The following TRAPPC3 variants were observed in gnomAD, a reference collection of about 807,000 sequenced individuals.
TRAPPC3 encodes the protein trafficking protein particle complex subunit 3.
A neutral mutation model predicts 18.2 loss-of-function variants in TRAPPC3; 5 were observed. That is an observed-to-expected ratio of 0.28 (90% CI 0.14 to 0.58). The LOEUF (loss-of-function observed/expected upper bound fraction) is 0.58. Among genes scored for constraint, TRAPPC3 ranks in the 20% least tolerant of loss-of-function variants. TRAPPC3 has a pLI of 0.91. For synonymous variants in TRAPPC3, 65 were observed against 84.2 expected (o/e 0.77, Z 1.25); for missense variants, 176 against 225.9 (o/e 0.78, Z 1.41).
upstream of TRAPPC3, among the ~76,000 whole-genome samples, chr1:36,153,425 T>G (rs1041478687): frequency 1.3e-5 from 2 of 152,176 alleles, no homozygotes; most frequent in African/African-American, 4.8e-5. Context: ...TGTGGACTCA[T>G]CAGCAGCACA....
intron 4 of TRAPPC3, chr1:36,137,578 T>A: frequency 1.6e-6 from 1 of 641,054 alleles, no homozygotes. Context: ...TTCCTGGGCT[T>A]TGGGGACTGA....
chr1:36,140,026 G>A, intron 2 of TRAPPC3, 43 bp downstream of exon 2: 2 of 1,525,882 alleles, frequency 1.3e-6, no homozygotes, highest in Non-Finnish European at 1.8e-6. Flanking sequence ...TCAGTGTGCT[G>A]GGAGGCCCCA....
chr1:36,154,956 A>G (rs113175406), intron 1 of TRAPPC3, among the ~76,000 whole-genome samples: 9 of 152,162 alleles, frequency 5.9e-5, no homozygotes, highest in African/African-American at 1.9e-4. Flanking sequence ...CACACATCCC[A>G]GGACAGGCTG....
intron 1 of TRAPPC3, chr1:36,155,550 GT>G (rs1225078534): frequency 6.6e-6 from 1 of 152,578 alleles, no homozygotes; most frequent in East Asian, 1.9e-4. Context: ...GCGCAGGGCT[GT>G]AATTACCCCC....
upstream of TRAPPC3, among the ~76,000 whole-genome samples, chr1:36,152,245 C>A (rs1249756705): frequency 6.6e-6 from 1 of 151,994 alleles, no homozygotes; most frequent in Non-Finnish European, 1.5e-5. Context: ...CTGAAAATAT[C>A]CTTGCCTTTC....
chr1:36,150,408 G>A (rs1319324340), upstream of TRAPPC3, among the ~76,000 whole-genome samples: 1 of 152,226 alleles, frequency 6.6e-6, no homozygotes, highest in Non-Finnish European at 1.5e-5. Flanking sequence ...CCTGACCACA[G>A]CTCTTTGGTT....
chr1:36,137,893 T>A lies in TRAPPC3; in HGVS notation c.326A>T (p.Asn109Ile). 1.2e-6 allele frequency: 2 copies of A among 1,614,206 alleles called. No homozygotes were observed. Among genetic ancestry groups the A allele is most frequent in the Non-Finnish European group, 1.7e-6 (2 of 1,180,034 alleles). The change falls in exon 4 of 5, where the codon AAT (asparagine) becomes ATT (isoleucine). Residue 109 changes from asparagine to isoleucine, a missense_variant. Physicochemically the swap from Asn to Ile is moderately radical, Grantham distance 149. This residue lies in a region of TRAPPC3 where 147 missense variants were observed against 164.3 expected (regional missense o/e 0.89). Coordinates refer to ENST00000373166, the MANE Select transcript of TRAPPC3 (RefSeq NM_014408.5). ...TTCCACAAAGTCCACCAAGGGGTTATTTTCCAAAATGAGGGAGAATTCATC... is the reference window on the plus strand; with the variant it reads ...TTCCACAAAGTCCACCAAGGGGTTAATTTCCAAAATGAGGGAGAATTCATC... ...AGDEFSLILE[N>I]NPLVDFVELP...
chr1:36,143,275 C>T (rs1486926549), intron 1 of TRAPPC3, among the ~76,000 whole-genome samples: 1 of 151,896 alleles, frequency 6.6e-6, no homozygotes, highest in Admixed American at 6.6e-5. Flanking sequence ...TAATTTTAAT[C>T]GAATAATCAG....
chr1:36,143,344 G>A (rs1324631847), intron 1 of TRAPPC3, among the ~76,000 whole-genome samples: 1 of 152,184 alleles, frequency 6.6e-6, no homozygotes, highest in African/African-American at 2.4e-5. Context: ...TAGATAGCTG[G>A]TCTAGAAAAA....
At chr1:36,145,553 A>G (rs1171660316) in intron 1 of TRAPPC3, among the ~76,000 whole-genome samples, 5 of 152,134 alleles carry the variant, frequency 3.3e-5, no homozygotes, top group African/African-American at 4.8e-5. Flanking sequence ...GGGTCACAGT[A>G]AGCCAACGCA....
intron 3 of TRAPPC3, 47 bp from the exon 4 acceptor site, chr1:36,138,025 T>C: frequency 6.2e-7 from 1 of 1,610,236 alleles, no homozygotes; most frequent in Non-Finnish European, 8.5e-7. Flanking sequence ...CAGCAGGAAC[T>C]GTACCACAGG....
chr1:36,151,332 G>A (rs1009582869), upstream of TRAPPC3, among the ~76,000 whole-genome samples: 7 of 152,000 alleles, frequency 4.6e-5, no homozygotes, highest in Non-Finnish European at 1.0e-4. Flanking sequence ...AGACCAGCCT[G>A]GGCAACATAG....
chr1:36,143,489 T>C (rs79174971), intron 1 of TRAPPC3, among the ~76,000 whole-genome samples: 4,723 of 151,722 alleles, frequency 0.031, 264 homozygotes, highest in African/African-American at 0.11. Context: ...TGACGGGAGG[T>C]TGCAGAGTCT....
upstream of TRAPPC3, among the ~76,000 whole-genome samples, chr1:36,153,144 T>C (rs1644284219): frequency 6.6e-6 from 1 of 152,194 alleles, no homozygotes; most frequent in South Asian, 2.1e-4. Context: ...CTGTTGGGAC[T>C]TCAGCCTCTT....
At chr1:36,146,621 A>AT (rs1251336688) in intron 1 of TRAPPC3, among the ~76,000 whole-genome samples, 1 of 147,252 alleles carries the variant, frequency 6.8e-6, no homozygotes, top group Admixed American at 6.8e-5. Context: ...AAAAAAGATG[A>AT]TTAAGCTGAT....
upstream of TRAPPC3, among the ~76,000 whole-genome samples, chr1:36,150,650 G>A (rs1325747739): frequency 2.6e-5 from 4 of 152,220 alleles, no homozygotes; most frequent in African/African-American, 9.6e-5. Flanking sequence ...CCCTCCCTCA[G>A]GGTGCAGGAC....
At chr1:36,137,668 T>A in intron 4 of TRAPPC3, 128 bp downstream of exon 4, 1 of 973,938 alleles carries the variant, frequency 1.0e-6, no homozygotes, top group Non-Finnish European at 1.5e-6. Flanking sequence ...CTCAGCAGCA[T>A]CACCATCTCA....
At chr1:36,143,478 G>C (rs1644146666) in intron 1 of TRAPPC3, among the ~76,000 whole-genome samples, 1 of 152,158 alleles carries the variant, frequency 6.6e-6, no homozygotes, top group African/African-American at 2.4e-5. Flanking sequence ...AATCAGATAA[G>C]TGACGGGAGG....
upstream of TRAPPC3, among the ~76,000 whole-genome samples, chr1:36,151,983 G>C (rs1257292022): frequency 6.6e-6 from 1 of 152,188 alleles, no homozygotes; most frequent in Non-Finnish European, 1.5e-5. Context: ...GCTGGTTAGA[G>C]ACCCCGTGTT....
Sources: gnomAD v4.1 joint callset for allele counts (sites outside exome capture counted in the v4.1 genomes callset) on GRCh38, gnomAD v4.1.1 for gene constraint, gnomAD v4.1.1 regional missense constraint, MANE v1.5 for transcripts, NCBI Gene and HGNC (gene_info 2026-07-23, HGNC 2026-07-21) for gene names.